Variants in PCDH15 observed in about 807,000 individuals in gnomAD.
PCDH15 encodes protocadherin related 15.
In PCDH15, 129 loss-of-function variants were observed where a neutral mutation model predicts 178.5. The ratio of observed to expected loss-of-function variants is 0.72; its 90% CI spans 0.63 to 0.84. The LOEUF is 0.84. Ranked by LOEUF, PCDH15 falls within the 40% of genes least tolerant of loss-of-function variation. The pLI is 0.00. For missense variants in PCDH15, 2,230 were observed against 2,099.9 expected (o/e 1.06, Z -1.21); for synonymous variants, 800 against 732.0 (o/e 1.09, Z -1.50).
intron 8 of PCDH15, among the ~76,000 whole-genome samples, chr10:54,265,939 T>C (rs2057648578): frequency 6.6e-6 from 1 of 151,928 alleles, no homozygotes; most frequent in Non-Finnish European, 1.5e-5. Flanking sequence ...CTAATACACA[T>C]CTACAGAACA....
intron 3 of PCDH15, among the ~76,000 whole-genome samples, chr10:54,823,859 C>G (rs895836892): frequency 2.6e-5 from 4 of 152,008 alleles, no homozygotes; most frequent in Non-Finnish European, 5.9e-5. Context: ...AGAAATAATA[C>G]TTGATTTAGA....
chr10:54,992,631 T>C (rs1321885162), intron 2 of PCDH15, among the ~76,000 whole-genome samples: 1 of 151,870 alleles, frequency 6.6e-6, no homozygotes, highest in East Asian at 1.9e-4. Context: ...GGCAGGCGCT[T>C]GTAGTCCCAG....
At chr10:55,275,945 T>G (rs1010290617) in intron 1 of PCDH15, among the ~76,000 whole-genome samples, 2 of 151,416 alleles carry the variant, frequency 1.3e-5, no homozygotes, top group Non-Finnish European at 3.0e-5. Flanking sequence ...GTATTTTCAA[T>G]GAAGTTTTGT....
intron 19 of PCDH15, among the ~76,000 whole-genome samples, chr10:54,020,664 G>T (rs945999382): frequency 1.3e-5 from 2 of 151,566 alleles, no homozygotes; most frequent in East Asian, 3.9e-4. Context: ...GAGAGTCAGA[G>T]AGAGAGAGAG....
At chr10:54,257,127 T>C (rs1346686808) in intron 8 of PCDH15, among the ~76,000 whole-genome samples, 1 of 151,812 alleles carries the variant, frequency 6.6e-6, no homozygotes, top group African/African-American at 2.4e-5. Flanking sequence ...TATCTATAAC[T>C]GATGGACTGA....
At chr10:54,535,477 G>A (rs1033306582) in intron 2 of PCDH15, among the ~76,000 whole-genome samples, 9 of 152,058 alleles carry the variant, frequency 5.9e-5, no homozygotes, top group South Asian at 2.1e-4. Context: ...TTGGGAGGCC[G>A]AGACAGGCGG....
chr10:55,395,392 T>A (rs1837903453), intron 2 of PCDH15, among the ~76,000 whole-genome samples: 1 of 152,176 alleles, frequency 6.6e-6, no homozygotes. Context: ...TCTAATATTT[T>A]GATTTCCTCC....
chr10:54,589,692 C>T (rs377034380), intron 2 of PCDH15, among the ~76,000 whole-genome samples: 2 of 152,106 alleles, frequency 1.3e-5, no homozygotes, highest in South Asian at 2.1e-4. Context: ...AGTCTTGCTC[C>T]CGGGTTCACA....
At chr10:55,602,061 G>T (rs377733450) in intron 2 of PCDH15, among the ~76,000 whole-genome samples, 9 of 152,236 alleles carry the variant, frequency 5.9e-5, no homozygotes, top group Middle Eastern at 3.4e-3. Context: ...AGGGCGAGGC[G>T]TTGCCTCACT....
At chr10:54,807,354 T>C (rs949361912) in intron 3 of PCDH15, among the ~76,000 whole-genome samples, 2 of 152,240 alleles carry the variant, frequency 1.3e-5, no homozygotes, top group South Asian at 4.1e-4. Context: ...ATCACTTAGT[T>C]GACATATTTG....
intron 2 of PCDH15, among the ~76,000 whole-genome samples, chr10:54,596,231 C>CA (rs913625099): frequency 1.8e-4 from 28 of 152,080 alleles, no homozygotes; most frequent in African/African-American, 6.5e-4. Flanking sequence ...AGATCACCTA[C>CA]AAAAGGAAGC....
At chr10:54,299,995 A>C (rs1402695623) in intron 8 of PCDH15, among the ~76,000 whole-genome samples, 1 of 152,072 alleles carries the variant, frequency 6.6e-6, no homozygotes, top group Non-Finnish European at 1.5e-5. Context: ...GCTACCACAC[A>C]CTCTTAAAGG....
intron 25 of PCDH15, among the ~76,000 whole-genome samples, chr10:53,916,193 T>G (rs573223837): frequency 1.3e-5 from 2 of 152,340 alleles, no homozygotes; most frequent in African/African-American, 4.8e-5. Flanking sequence ...CCATTTCTTT[T>G]CTGAATATTT....
chr10:53,960,186 A>G lies in PCDH15; in HGVS notation c.3010-342T>C, dbSNP rs2446611. 0.72 allele frequency among the ~76,000 whole-genome samples: 108,782 copies of G among 151,672 alleles called. 39,294 individuals are homozygous for G. The highest frequency in any genetic ancestry group is 0.87 in the East Asian group (4,482 of 5,164). On this transcript the variant is annotated intron_variant, in intron 22 of 37. Coordinates refer to ENST00000644397, the MANE Select transcript of PCDH15 (RefSeq NM_001384140.1). ...AAGACTCATTTCTATAATTCCACTG[A>G]AGCCCACAGTAAATACACATGATTT...
chr10:54,646,133 A>G (rs11818715), intron 2 of PCDH15, among the ~76,000 whole-genome samples: 6,817 of 152,252 alleles, frequency 0.045, 165 homozygotes, highest in Non-Finnish European at 0.059. Flanking sequence ...TAAGATTTGA[A>G]TCATAGTTCC....
chr10:53,826,667 T>C (rs1463403569), intron 32 of PCDH15, among the ~76,000 whole-genome samples: 12 of 152,144 alleles, frequency 7.9e-5, no homozygotes, highest in Non-Finnish European at 1.0e-4. Context: ...AGCATCATTA[T>C]ACAAGCAACT....
chr10:54,101,235 T>G (rs147881821), intron 15 of PCDH15, among the ~76,000 whole-genome samples: 24 of 152,330 alleles, frequency 1.6e-4, no homozygotes, highest in African/African-American at 4.6e-4. Context: ...ACCATGATTG[T>G]GAAGCCTCCC....
chr10:55,143,785 G>A (rs1838418390), intron 2 of PCDH15, among the ~76,000 whole-genome samples: 1 of 149,910 alleles, frequency 6.7e-6, no homozygotes, highest in Non-Finnish European at 1.5e-5. Context: ...TTCAACCCTG[G>A]GTCAAACACT....
At position 55,319,557 on chromosome 10, in the gene PCDH15, G is replaced by A. The variant is rs1230910440; in HGVS notation, c.-156+42C>T. The A allele has an allele frequency of 2.0e-5, 3 of 152,152 alleles. No homozygotes were observed. In the East Asian group the frequency reaches 5.8e-4, roughly 29 times the overall value. The allele number at this position is 152,152 out of a possible 1,614,324, so 9.4% of individuals were successfully genotyped here. Reference sequence around the variant, plus strand: ...GATCTTCAGAGGGAAGACTTTGTGGGGGATGGAGGGAGGACACAGACACTG... The same window carrying A: ...GATCTTCAGAGGGAAGACTTTGTGGAGGATGGAGGGAGGACACAGACACTG... On this transcript the variant is annotated intron_variant, in intron 1 of 5. Transcript: ENST00000458638.
Sources: allele counts gnomAD v4.1 joint callset (sites outside exome capture counted in the v4.1 genomes callset), GRCh38; gene constraint gnomAD v4.1.1; transcripts MANE v1.5; gene names NCBI Gene and HGNC (gene_info 2026-07-23, HGNC 2026-07-21).